Variants in ATP7A observed in about 807,000 individuals in gnomAD.
ATP7A encodes copper-transporting ATPase 1.
In ATP7A, 7 loss-of-function variants were observed where a neutral mutation model predicts 83.5. That is an observed-to-expected ratio of 0.08 (90% CI 0.05 to 0.16). The LOEUF is 0.16. Among genes scored for constraint, ATP7A ranks in the 10% least tolerant of loss-of-function variants. The pLI, the probability that ATP7A is intolerant of heterozygous loss-of-function variation, is 1.00. For missense variants in ATP7A, 940 were observed against 1,120.8 expected (o/e 0.84, Z 2.30); for synonymous variants, 354 against 395.2 (o/e 0.90, Z 1.24).
intron 4 of ATP7A, 31 bp downstream of exon 4, chrX:77,989,989 A>G: frequency 1.7e-6 from 2 of 1,206,571 alleles, no homozygotes; most frequent in South Asian, 1.8e-5. Context: ...GATTACCCTA[A>G]TGTTCTTTTA....
chrX:77,945,477 G>C (rs2077374268), intron 1 of ATP7A, among the ~76,000 whole-genome samples: 1 of 112,186 alleles, frequency 8.9e-6, no homozygotes, highest in Non-Finnish European at 1.9e-5. Context: ...ACTATGCCTG[G>C]CCTGGCAATT....
chrX:78,002,449 T>C (rs1557233266), intron 5 of ATP7A, among the ~76,000 whole-genome samples: 1 of 110,573 alleles, frequency 9.0e-6, no homozygotes, highest in Non-Finnish European at 1.9e-5. Flanking sequence ...AGATACAGTC[T>C]CAAGCAATTT....
At chrX:78,011,298 T>C (rs973274549) in intron 8 of ATP7A, 46 bp downstream of exon 8, 26 of 1,151,662 alleles carry the variant, frequency 2.3e-5, no homozygotes, top group Non-Finnish European at 3.0e-5. Flanking sequence ...TGACTCCTTA[T>C]TACAAATTTT....
At chrX:77,986,328 C>T (rs782197701) in intron 2 of ATP7A, among the ~76,000 whole-genome samples, 40 of 112,425 alleles carry the variant, frequency 3.6e-4, no homozygotes, top group African/African-American at 1.3e-3. Context: ...AAAGATTTAA[C>T]TATTGTAGAC....
At chrX:77,939,814 G>GA (rs1235033585) in intron 1 of ATP7A, among the ~76,000 whole-genome samples, 2 of 108,497 alleles carry the variant, frequency 1.8e-5, no homozygotes, top group African/African-American at 6.7e-5. Context: ...ACAATATAAT[G>GA]AAAAAAGCTC....
Position 78,040,953 on chromosome X carries a change from G to A in ATP7A, c.3801+220G>A, listed in dbSNP as rs782520510. 8.1e-5 allele frequency among the ~76,000 whole-genome samples: 9 copies of A among 111,551 alleles called. No homozygotes were observed. The East Asian group carries it at 2.5e-3, about 31-fold the overall frequency. On this transcript the variant is annotated intron_variant, in intron 19 of 22. Transcript: ENST00000341514. ...TATTTGCTTAGTTCATGGGATGCTT[G>A]CGTGACACTGTACACCAATTTCTGT...
intron 1 of ATP7A, among the ~76,000 whole-genome samples, chrX:77,938,913 A>G (rs1557225345): frequency 3.6e-5 from 4 of 112,309 alleles, no homozygotes; most frequent in African/African-American, 1.3e-4. Flanking sequence ...TATGTGAGAA[A>G]ATTTAAATAT....
rs782313972 is a variant in ATP7A at position 77,969,366 on chromosome X, G to A, written c.-21-2255G>A. 4.6e-5 allele frequency: 55 copies of A among 1,208,653 alleles called. No individual in the cohort carries two copies. The Admixed American group carries it at 5.9e-4, about 13-fold the overall frequency. On this transcript the variant is annotated intron_variant, in intron 1 of 22. Coordinates refer to ENST00000341514, the MANE Select transcript of ATP7A (RefSeq NM_000052.7). Reference sequence around the variant, plus strand: ...TATTGAGACCGGTTAGACCCCCATAGTGCCGCTCATTGAGGCGCCAAGTCC... The same window carrying A: ...TATTGAGACCGGTTAGACCCCCATAATGCCGCTCATTGAGGCGCCAAGTCC...
At chrX:78,012,066 T>A (rs1416882193) in intron 9 of ATP7A, among the ~76,000 whole-genome samples, 1 of 110,672 alleles carries the variant, frequency 9.0e-6, no homozygotes, top group African/African-American at 3.3e-5. Flanking sequence ...GCCTCAGCAT[T>A]CTGAGTAGCT....
rs530868777 is a variant in ATP7A at position 77,961,289 on chromosome X, A to G, written c.-21-10332A>G. Among the ~76,000 whole-genome samples the G allele has an allele frequency of 9.0e-4, 101 of 111,982 alleles. No homozygotes were observed. The South Asian group carries it at 0.037, about 41-fold the overall frequency. Reference sequence around the variant, plus strand: ...CCTTTCTGCCTGACTGATCTCTCTCAGTTCCTCAGTAAGCCTGAGAGTTAG... The same window carrying G: ...CCTTTCTGCCTGACTGATCTCTCTCGGTTCCTCAGTAAGCCTGAGAGTTAG... On this transcript the variant is annotated intron_variant, in intron 1 of 22. Transcript: ENST00000341514.
intron 14 of ATP7A, among the ~76,000 whole-genome samples, chrX:78,027,159 A>C: frequency 9.0e-6 from 1 of 110,670 alleles, no homozygotes; most frequent in East Asian, 2.8e-4. Context: ...TCAAAAAAAA[A>C]AAAAAAATCT....
chrX:77,989,195 G>T, intron 3 of ATP7A, 38 bp from the exon 4 acceptor site: 1 of 1,171,424 alleles, frequency 8.5e-7, no homozygotes, highest in South Asian at 1.9e-5. Context: ...AGTAGCCCAG[G>T]AATAACTGAA....
chrX:78,013,284 A>G (rs782391408), intron 10 of ATP7A, among the ~76,000 whole-genome samples, 172 bp downstream of exon 10: 1 of 112,076 alleles, frequency 8.9e-6, no homozygotes, highest in Non-Finnish European at 1.9e-5. Flanking sequence ...AGATTTACCA[A>G]ATATGGAATT....
At chrX:77,940,327 A>G (rs782000218) in intron 1 of ATP7A, among the ~76,000 whole-genome samples, 9 of 111,289 alleles carry the variant, frequency 8.1e-5, no homozygotes, top group African/African-American at 2.9e-4. Flanking sequence ...ATCCAGAAAG[A>G]GACCCCCAAA....
Position 78,014,767 on chromosome X carries a change from C to T in ATP7A, c.2498+14C>T. The T allele has an allele frequency of 8.9e-7, 1 of 1,120,997 alleles. No homozygotes were observed. The highest frequency in any genetic ancestry group is 1.8e-5 in the African/African-American group (1 of 56,036). 92.4% of individuals were successfully genotyped at this position (1,120,997 alleles called of 1,213,427 possible). On this transcript the variant is annotated intron_variant, in intron 11 of 22. Transcript: ENST00000341514. ...TATCCTCCTCAGGTATTTATCTTCA[C>T]TCTTCCCTCTTCTCTTTTTTTAACT...
At position 77,960,692 on chromosome X, in the gene ATP7A, C is replaced by G. The variant is rs146094355; in HGVS notation, c.-21-10929C>G. 2.5e-3 allele frequency among the ~76,000 whole-genome samples: 273 copies of G among 111,200 alleles called. 2 individuals carry two copies. The highest frequency in any genetic ancestry group is 8.5e-3 in the African/African-American group (259 of 30,622). On this transcript the variant is annotated intron_variant, in intron 1 of 22. Transcript: ENST00000341514. ...AAATGATATTACTGATGGTGATTAC[C>G]ATCTCTACTTAGGGAATGGCTCAAA...
chrX:78,033,945 T>C, intron 17 of ATP7A, 124 bp downstream of exon 17: 1 of 625,321 alleles, frequency 1.6e-6, no homozygotes, highest in Non-Finnish European at 2.6e-6. Context: ...CTCAAGTCAA[T>C]ACCCTATGCC....
At chrX:78,042,094 G>T (rs1482271767) in intron 19 of ATP7A, among the ~76,000 whole-genome samples, 5 of 94,325 alleles carry the variant, frequency 5.3e-5, no homozygotes, top group African/African-American at 2.1e-4. Flanking sequence ...TCCAGCCTGG[G>T]TGACAGAGCA....
chrX:78,015,664 A>G, intron 11 of ATP7A, 90 bp from the exon 12 acceptor site: 12 of 1,132,112 alleles, frequency 1.1e-5, no homozygotes, highest in South Asian at 1.8e-5. Context: ...TTATGGAGCC[A>G]CAAGCTTGAC....
Sources: gnomAD v4.1 joint callset for allele counts (sites outside exome capture counted in the v4.1 genomes callset) on GRCh38, gnomAD v4.1.1 for gene constraint, MANE v1.5 for transcripts, NCBI Gene and HGNC (gene_info 2026-07-23, HGNC 2026-07-21) for gene names.